Variants in ARSG observed in about 807,000 individuals in gnomAD.
ARSG encodes ASG.
Under a neutral mutation model 50.5 loss-of-function variants are expected in ARSG, and 37 were observed. The observed-to-expected ratio is 0.73, with a 90% CI of 0.56 to 0.96. The LOEUF is 0.96. ARSG is among the 50% of genes least tolerant of loss of function. The pLI is 0.00. For synonymous variants in ARSG, 225 were observed against 254.6 expected (o/e 0.88, Z 1.11); for missense variants, 629 against 675.3 (o/e 0.93, Z 0.76).
intron 10 of ARSG, among the ~76,000 whole-genome samples, chr17:68,396,961 T>C (rs1186483073): frequency 6.6e-6 from 1 of 152,190 alleles, no homozygotes; most frequent in Non-Finnish European, 1.5e-5. Flanking sequence ...CAGACGTCAT[T>C]GGAGAGGTGC....
intron 2 of ARSG, among the ~76,000 whole-genome samples, chr17:68,319,032 C>G (rs975502884): frequency 6.6e-6 from 1 of 152,180 alleles, no homozygotes; most frequent in Non-Finnish European, 1.5e-5. Flanking sequence ...ATGGAAGATG[C>G]GAACCAGGTT....
chr17:68,365,842 A>T (rs1472632152), intron 6 of ARSG, among the ~76,000 whole-genome samples: 1 of 152,256 alleles, frequency 6.6e-6, no homozygotes, highest in East Asian at 1.9e-4. Flanking sequence ...CAATAGATGT[A>T]AATAACCCCA....
In ARSG at chr17:68,395,132, G is replaced by A. The variant is rs532109537; in HGVS notation, c.1151G>A (p.Arg384Gln). 22 of 1,614,114 alleles carry A rather than the reference G, an allele frequency of 1.4e-5. No homozygotes were observed. Among genetic ancestry groups the A allele is most frequent in the Admixed American group, 8.3e-5 (5 of 60,022 alleles). The change falls in exon 10 of 12, where the codon CGG becomes CAG. Residue 384 changes from arginine to glutamine, a missense_variant. Coordinates refer to ENST00000621439, the MANE Select transcript of ARSG (RefSeq NM_001267727.2). ...ALAQASLPQG[R>Q]RFDGVDVSEV... ...GCCCAGGCCAGCTTACCTCAAGGAC[G>A]GCGCTTTGATGGTGTGGACGTCTCC... is the stretch of plus-strand genomic sequence containing the variant.
intron 8 of ARSG, chr17:68,379,855 T>C (rs989063943): frequency 8.1e-6 from 8 of 985,288 alleles, no homozygotes; most frequent in Admixed American, 6.1e-5. Flanking sequence ...GGTAATTTGG[T>C]TGGCACTTCT....
At chr17:68,395,989 C>T (rs2081226023) in intron 10 of ARSG, among the ~76,000 whole-genome samples, 1 of 150,378 alleles carries the variant, frequency 6.6e-6, no homozygotes, top group South Asian at 2.1e-4. Flanking sequence ...GCTCAGCACA[C>T]TCTTGGCAGC....
the ARSG span, among the ~76,000 whole-genome samples, chr17:68,439,645 A>G: frequency 2.0e-5 from 3 of 152,180 alleles, no homozygotes; most frequent in East Asian, 3.8e-4. Flanking sequence ...CTCAAAAAAG[A>G]TTTTCAAATT....
chr17:68,437,950 A>AAAAAAAC, the ARSG span, among the ~76,000 whole-genome samples: 1 of 35,500 alleles, frequency 2.8e-5, no homozygotes. Context: ...ATCTCTCTTA[A>AAAAAAAC]AAAAAAAAAA....
intron 2 of ARSG, among the ~76,000 whole-genome samples, chr17:68,323,830 T>C (rs1237605998): frequency 6.6e-6 from 1 of 152,072 alleles, no homozygotes; most frequent in Non-Finnish European, 1.5e-5. Context: ...CCCAACACTT[T>C]GGGAGGCCGA....
the ARSG span, among the ~76,000 whole-genome samples, chr17:68,434,909 T>C: frequency 6.6e-6 from 1 of 152,148 alleles, no homozygotes; most frequent in East Asian, 1.9e-4. Context: ...TTTCTTAGAA[T>C]TTCAATTTGA....
chr17:68,413,089 A>G (rs1393107878), intron 11 of ARSG, among the ~76,000 whole-genome samples: 4 of 151,916 alleles, frequency 2.6e-5, no homozygotes, highest in Admixed American at 2.6e-4. Flanking sequence ...GCTCAGAGTA[A>G]TTTGATCGTC....
intron 2 of ARSG, among the ~76,000 whole-genome samples, chr17:68,334,356 C>T (rs890728328): frequency 2.0e-5 from 3 of 152,082 alleles, no homozygotes; most frequent in Admixed American, 6.6e-5. Context: ...TTATGTGGTA[C>T]GAAAGCAAAG....
rs200861671 is a variant in ARSG, at chr17:68,268,916, TAAAAC to T, written c.-552+9510_-552+9514del. The stretch of plus-strand genomic sequence containing the variant: ...TAAAAACAAGCAAAAAAAAAAAGCT[TAAAAC>T]AAAACAAAACAAAACAAAAGCGATG... On this transcript the variant is annotated intron_variant, in intron 1 of 11. Transcript: ENST00000448504. The T allele has an allele frequency of 4.9e-3, 7,020 of 1,425,276 alleles. 222 individuals are homozygous for T. In the African/African-American group the frequency reaches 0.078, roughly 16 times the overall value. 88.3% of individuals were successfully genotyped at this position (1,425,276 alleles called of 1,614,324 possible).
At chr17:68,376,543 A>C (rs1217707827) in intron 8 of ARSG, among the ~76,000 whole-genome samples, 1 of 151,942 alleles carries the variant, frequency 6.6e-6, no homozygotes, top group East Asian at 1.9e-4. Flanking sequence ...TTCCCACCTT[A>C]GCCTCCCAAA....
intron 5 of ARSG, among the ~76,000 whole-genome samples, chr17:68,355,340 G>A (rs1165714332): frequency 6.6e-6 from 1 of 152,176 alleles, no homozygotes; most frequent in African/African-American, 2.4e-5. Flanking sequence ...ATTTCAATCT[G>A]TAAGACCAAA....
At chr17:68,425,381 T>C (rs945587744), downstream of ARSG, among the ~76,000 whole-genome samples, 1 of 96,824 alleles carries the variant, frequency 1.0e-5, no homozygotes, top group African/African-American at 5.3e-5. Context: ...TTTTTTCTTT[T>C]CTTTTTTTTT....
chr17:68,346,601 C>A, intron 3 of ARSG: 2 of 586,806 alleles, frequency 3.4e-6, no homozygotes, highest in Non-Finnish European at 5.1e-6. Context: ...GACCGAGGAG[C>A]AGCAGGGTGT....
chr17:68,398,628 T>C (rs905984023), intron 10 of ARSG, among the ~76,000 whole-genome samples: 1 of 152,254 alleles, frequency 6.6e-6, no homozygotes, highest in Non-Finnish European at 1.5e-5. Context: ...AATATGCCAA[T>C]GCTTCTCAGC....
Position 68,271,029 on chromosome 17 carries a change from A to G in ARSG, c.-552+11603A>G. 5 of 1,614,222 alleles carry G rather than the reference A, an allele frequency of 3.1e-6. No homozygotes were observed. Among genetic ancestry groups the G allele is most frequent in the Non-Finnish European group, 4.2e-6 (5 of 1,180,048 alleles). On this transcript the variant is annotated intron_variant, in intron 1 of 11. Coordinates refer to the ARSG transcript ENST00000448504. This position sits in a 1 kb window ranked among gnomAD's most constrained non-coding sequence, Gnocchi z 5.3. ...TTAGACCCCAGAATTCAGTAGCAAAAGTAAAGGCAAACAGAGACACAGTCA... is the reference window on the plus strand; with the variant it reads ...TTAGACCCCAGAATTCAGTAGCAAAGGTAAAGGCAAACAGAGACACAGTCA...
intron 1 of ARSG, among the ~76,000 whole-genome samples, chr17:68,273,500 C>G (rs1555749835): frequency 6.6e-6 from 1 of 152,180 alleles, no homozygotes; most frequent in East Asian, 1.9e-4. Context: ...GGATTACAGG[C>G]ATGAGCCACC....
Sources: gnomAD v4.1 joint callset for allele counts (sites outside exome capture counted in the v4.1 genomes callset) on GRCh38, gnomAD v4.1.1 for gene constraint, Gnocchi (gnomAD v3.1) non-coding constraint, MANE v1.5 for transcripts, NCBI Gene and HGNC (gene_info 2026-07-23, HGNC 2026-07-21) for gene names.